The following ANKIB1 variants were observed in gnomAD, a reference collection of about 807,000 sequenced individuals.
ANKIB1 encodes the protein ankyrin repeat and IBR domain-containing protein 1.
Under a neutral mutation model 122.1 loss-of-function variants are expected in ANKIB1, and 43 were observed. The observed-to-expected ratio is 0.35, with a 90% CI of 0.28 to 0.45. The LOEUF is 0.45. Among genes scored for constraint, ANKIB1 ranks in the 20% least tolerant of loss-of-function variants. ANKIB1 has a pLI of 1.00. For synonymous variants in ANKIB1, 390 were observed against 442.0 expected (o/e 0.88, Z 1.48); for missense variants, 992 against 1,329.5 (o/e 0.75, Z 3.95).
intron 11 of ANKIB1, among the ~76,000 whole-genome samples, chr7:92,384,329 C>A (rs189844812): frequency 1.3e-5 from 2 of 152,150 alleles, no homozygotes; most frequent in Non-Finnish European, 2.9e-5. Context: ...TTTATAAATT[C>A]AGTGCCATCC....
At chr7:92,271,619 C>A (rs761959164) in intron 1 of ANKIB1, among the ~76,000 whole-genome samples, 3 of 151,946 alleles carry the variant, frequency 2.0e-5, no homozygotes, top group Non-Finnish European at 4.4e-5. Flanking sequence ...ATAGATGAGA[C>A]GCTAAGTCCA....
intron 2 of ANKIB1, among the ~76,000 whole-genome samples, chr7:92,300,282 C>A (rs1301046610): frequency 6.6e-6 from 1 of 152,050 alleles, no homozygotes; most frequent in Non-Finnish European, 1.5e-5. Flanking sequence ...CTTTTACTTA[C>A]CAGTTTGGAT....
At chr7:92,293,587 CTCTAT>C (rs1443044710) in intron 1 of ANKIB1, among the ~76,000 whole-genome samples, 1 of 152,148 alleles carries the variant, frequency 6.6e-6, no homozygotes, top group Non-Finnish European at 1.5e-5. Context: ...GTTTTCCTCC[CTCTAT>C]TCTATCTTCT....
intron 1 of ANKIB1, among the ~76,000 whole-genome samples, chr7:92,258,214 C>G (rs1192948531): frequency 6.6e-6 from 1 of 152,184 alleles, no homozygotes; most frequent in African/African-American, 2.4e-5. Context: ...TACCCAAAAA[C>G]TCTGAATGTG....
chr7:92,286,446 T>C (rs1356708755), intron 1 of ANKIB1, among the ~76,000 whole-genome samples: 2 of 152,120 alleles, frequency 1.3e-5, no homozygotes, highest in African/African-American at 4.8e-5. Flanking sequence ...CAACTGGTCC[T>C]TCAAGGGTTT....
intron 1 of ANKIB1, among the ~76,000 whole-genome samples, chr7:92,257,147 C>A (rs1340696488): frequency 6.7e-6 from 1 of 149,710 alleles, no homozygotes; most frequent in African/African-American, 2.5e-5. Flanking sequence ...CCGAGTAGAT[C>A]GCCCAACTGC....
chr7:92,369,393 A>C (rs1051850260), intron 10 of ANKIB1, among the ~76,000 whole-genome samples: 2 of 152,200 alleles, frequency 1.3e-5, no homozygotes, highest in African/African-American at 4.8e-5. Context: ...TATAAACTTA[A>C]GTAGGCAAGC....
At chr7:92,356,549 A>G (rs1008381915) in intron 9 of ANKIB1, among the ~76,000 whole-genome samples, 4 of 152,222 alleles carry the variant, frequency 2.6e-5, no homozygotes, top group Non-Finnish European at 5.9e-5. Context: ...TGAGGGTTCA[A>G]TTTATCAAAT....
Position 92,327,920 on chromosome 7 carries a change from A to T in ANKIB1, c.787+20A>T. 1 of 1,495,050 alleles carries T rather than the reference A, an allele frequency of 6.7e-7. No homozygotes were observed. The highest frequency in any genetic ancestry group is 9.1e-7 in the Non-Finnish European group (1 of 1,099,340). 92.6% of individuals were successfully genotyped at this position (1,495,050 alleles called of 1,614,324 possible). A position where few individuals can be genotyped will look rare whatever the true frequency, so the allele number is the denominator to read the frequency against. ...CTCATGGTAATGAAAGAAATGTCTT[A>T]TGCTTCTAAGAACATGAGTAACTTT... On this transcript the variant is annotated intron_variant, in intron 5 of 19. Transcript: ENST00000265742.
At position 92,351,170 on chromosome 7, in the gene ANKIB1, TTTTTG is replaced by T. The variant is rs1412934526; in HGVS notation, c.1230+81_1230+85del. The T allele has an allele frequency of 1.0e-5, 13 of 1,240,382 alleles. No individual in the cohort carries two copies. In the African/African-American group the frequency reaches 1.4e-4, roughly 13 times the overall value. The allele number at this position is 1,240,382 out of a possible 1,614,324, so 76.8% of individuals were successfully genotyped here. On this transcript the variant is annotated intron_variant, in intron 8 of 19. Transcript: ENST00000265742. ...TAAACCTTTATAACATTATTTTTTC[TTTTTG>T]TTTTATTTTTGAAAACAAAATAATG...
chr7:92,325,229 C>T lies in ANKIB1; in HGVS notation c.670-2554C>T, dbSNP rs1001303071. On this transcript the variant is annotated intron_variant, in intron 4 of 19. Transcript: ENST00000265742. ...TAAAGAATCATCCTTCCCTTCCCCA[C>T]TCTTAGTCTATATAACTTAAAAAGG... Among the ~76,000 whole-genome samples, 12 of 152,326 alleles carry T rather than the reference C, an allele frequency of 7.9e-5. No homozygotes were observed. The South Asian group carries it at 2.5e-3, about 32-fold the overall frequency.
At chr7:92,377,456 A>T (rs1041336812) in intron 11 of ANKIB1, among the ~76,000 whole-genome samples, 1 of 152,216 alleles carries the variant, frequency 6.6e-6, no homozygotes, top group Non-Finnish European at 1.5e-5. Flanking sequence ...AGTTTGAAAC[A>T]TTATGAGAAT....
intron 1 of ANKIB1, among the ~76,000 whole-genome samples, chr7:92,267,308 A>C (rs1801691019): frequency 6.6e-6 from 1 of 152,198 alleles, no homozygotes; most frequent in African/African-American, 2.4e-5. Context: ...AAGTGAACAC[A>C]ACTATGTCAT....
intron 4 of ANKIB1, among the ~76,000 whole-genome samples, chr7:92,325,168 G>A (rs1803001770): frequency 6.6e-6 from 1 of 152,124 alleles, no homozygotes; most frequent in South Asian, 2.1e-4. Context: ...GTGTATGGAG[G>A]GAAAAGTGGG....
chr7:92,317,853 C>G (rs1802825813), intron 3 of ANKIB1, among the ~76,000 whole-genome samples: 1 of 152,200 alleles, frequency 6.6e-6, no homozygotes, highest in Non-Finnish European at 1.5e-5. Flanking sequence ...CCATTTTGAT[C>G]AACTCATGCG....
At chr7:92,338,368 T>C (rs1803336477) in intron 5 of ANKIB1, among the ~76,000 whole-genome samples, 1 of 151,942 alleles carries the variant, frequency 6.6e-6, no homozygotes, top group Non-Finnish European at 1.5e-5. Context: ...CAGTGAGCCA[T>C]TGATCGCCCC....
rs374107784 is a variant in ANKIB1 at position 92,269,401 on chromosome 7, G to A, written c.-91+22882G>A. Among the ~76,000 whole-genome samples, 4 of 152,322 alleles carry A rather than the reference G, an allele frequency of 2.6e-5. 1 individual carries two copies. On this transcript the variant is annotated intron_variant, in intron 1 of 19. Transcript: ENST00000265742. Reference sequence around the variant, plus strand: ...AATAAATGTCTTTGTATTATGTTGTGATTTGTTCTTTCAAGAGAAGGGAAG... The same window carrying A: ...AATAAATGTCTTTGTATTATGTTGTAATTTGTTCTTTCAAGAGAAGGGAAG...
intron 1 of ANKIB1, among the ~76,000 whole-genome samples, chr7:92,268,084 TG>T (rs1450346674): frequency 6.6e-6 from 1 of 152,162 alleles, no homozygotes; most frequent in Non-Finnish European, 1.5e-5. Flanking sequence ...TGTGTACTTT[TG>T]TTTTGTTTAT....
intron 1 of ANKIB1, among the ~76,000 whole-genome samples, chr7:92,284,064 C>T (rs1438867247): frequency 2.6e-5 from 4 of 152,140 alleles, no homozygotes; most frequent in Non-Finnish European, 5.9e-5. Context: ...CCACTGCACC[C>T]GGCCACTTTC....
Sources: allele counts gnomAD v4.1 joint callset (sites outside exome capture counted in the v4.1 genomes callset), GRCh38; gene constraint gnomAD v4.1.1; transcripts MANE v1.5; gene names NCBI Gene and HGNC (gene_info 2026-07-23, HGNC 2026-07-21).